The following NTRK2 variants were observed in gnomAD, a reference collection of about 807,000 sequenced individuals.
NTRK2 encodes BDNF/NT-3 growth factors receptor.
A neutral mutation model predicts 94.5 loss-of-function variants in NTRK2; 13 were observed. That is an observed-to-expected ratio of 0.14 (90% CI 0.09 to 0.22). The LOEUF is 0.22. NTRK2 is among the 10% of genes least tolerant of loss of function. The pLI is 1.00. For synonymous variants in NTRK2, 372 were observed against 407.4 expected (o/e 0.91, Z 1.05); for missense variants, 639 against 1,071.2 (o/e 0.60, Z 5.63).
intron 6 of NTRK2, among the ~76,000 whole-genome samples, chr9:84,719,049 G>A (rs2061891287): frequency 2.0e-5 from 3 of 152,082 alleles, no homozygotes; most frequent in Non-Finnish European, 4.4e-5. Context: ...CTACAGAATA[G>A]ACACGTAATT....
At chr9:84,875,144 A>G (rs2076016398) in intron 14 of NTRK2, 10 of 1,059,794 alleles carry the variant, frequency 9.4e-6, no homozygotes, top group African/African-American at 1.6e-5. Flanking sequence ...CTTGTAATAT[A>G]AAGTCTGACC....
intron 14 of NTRK2, chr9:84,873,807 A>G (rs200452633): frequency 2.5e-5 from 26 of 1,056,914 alleles, no homozygotes; most frequent in Non-Finnish European, 3.0e-5. Flanking sequence ...TCACCCAAGT[A>G]TAGTATACTT....
intron 12 of NTRK2, among the ~76,000 whole-genome samples, chr9:84,773,387 G>A (rs2066739247): frequency 6.6e-6 from 1 of 152,190 alleles, no homozygotes; most frequent in African/African-American, 2.4e-5. Flanking sequence ...ATTATGGCAT[G>A]GGAAGAACAC....
chr9:84,924,295 G>GAAAGAAAGAAAGAA lies in NTRK2; in HGVS notation c.1634-9866_1634-9865insAAGAAAGAAAGAAA, dbSNP rs1340172014. Among the ~76,000 whole-genome samples the GAAAGAAAGAAAGAA allele has an allele frequency of 2.0e-5, 3 of 147,822 alleles. No individual in the cohort carries two copies. In the South Asian group the frequency reaches 6.6e-4, roughly 32 times the overall value. ...AGAAAGAAAGAAAGAAAGAAAGAAA[G>GAAAGAAAGAAAGAA]AGGAAAAAAAGGAGGTTTATGCACA... On this transcript the variant is annotated intron_variant, in intron 14 of 18. Transcript: ENST00000277120.
rs201551860 is a variant in NTRK2, at chr9:84,702,437, C to A, written c.359+18C>A. The stretch of plus-strand genomic sequence containing the variant: ...CAGCACATGTAAGTAGAGATTGATT[C>A]TTTTGCTTCCCAGGACCCATTTTAT... On this transcript the variant is annotated intron_variant, in intron 4 of 18. Coordinates refer to ENST00000277120, the MANE Select transcript of NTRK2 (RefSeq NM_006180.6). The A allele has an allele frequency of 8.7e-6, 14 of 1,606,442 alleles. No individual in the cohort carries two copies. The highest frequency in any genetic ancestry group is 1.1e-5 in the Non-Finnish European group (13 of 1,172,946).
chr9:84,813,446 A>G, intron 12 of NTRK2: 4 of 1,064,764 alleles, frequency 3.8e-6, no homozygotes, highest in Non-Finnish European at 4.6e-6. Context: ...GTCTTAAAAC[A>G]TGATCATTGT....
rs1349303529 is a variant in NTRK2 at position 84,870,331 on chromosome 9, G to GTGTGTGTGTGTA, written c.1633+2901_1633+2902insGTGTGTGTGTAT. 9.6e-4 allele frequency among the ~76,000 whole-genome samples: 30 copies of GTGTGTGTGTGTA among 31,182 alleles called. 2 individuals carry two copies. Among genetic ancestry groups the GTGTGTGTGTGTA allele is most frequent in the African/African-American group, 2.5e-3 (28 of 11,346 alleles). The allele number at this position is 31,182 out of a possible 152,430, so 20.5% of individuals were successfully genotyped here. ...ATACATATATGTGGGGTGTGTGTGT[G>GTGTGTGTGTGTA]TATATATATATATATATATATATAT... is the stretch of plus-strand genomic sequence containing the variant. On this transcript the variant is annotated intron_variant, in intron 14 of 18. Coordinates refer to ENST00000277120, the MANE Select transcript of NTRK2 (RefSeq NM_006180.6).
intron 2 of NTRK2, among the ~76,000 whole-genome samples, chr9:84,681,513 G>A (rs1388499301): frequency 6.6e-6 from 1 of 152,170 alleles, no homozygotes; most frequent in Non-Finnish European, 1.5e-5. Context: ...CATGGGATAT[G>A]GTGAGAAAAA....
At chr9:84,687,165 T>C (rs2131487265) in intron 2 of NTRK2, among the ~76,000 whole-genome samples, 1 of 152,266 alleles carries the variant, frequency 6.6e-6, no homozygotes, top group African/African-American at 2.4e-5. Flanking sequence ...TCACCTGCCT[T>C]TGGCCTCCCA....
chr9:84,845,250 T>TATACACAC (rs374265197), intron 12 of NTRK2, among the ~76,000 whole-genome samples: 2,479 of 147,978 alleles, frequency 0.017, 69 homozygotes, highest in African/African-American at 0.058. Context: ...ATGTGGTGTA[T>TATACACAC]ACACACACAC....
At chr9:84,694,737 G>T (rs924644155) in intron 2 of NTRK2, among the ~76,000 whole-genome samples, 2 of 152,134 alleles carry the variant, frequency 1.3e-5, no homozygotes, top group Non-Finnish European at 2.9e-5. Flanking sequence ...GTGGCTGTAA[G>T]CCTGGGAATT....
intron 2 of NTRK2, among the ~76,000 whole-genome samples, chr9:84,688,330 T>C (rs1158690228): frequency 6.6e-6 from 1 of 152,232 alleles, no homozygotes; most frequent in Non-Finnish European, 1.5e-5. Context: ...TGCCTCATTG[T>C]GCTTTTGTGC....
intron 14 of NTRK2, chr9:84,876,629 T>C (rs199989397): frequency 1.8e-5 from 19 of 1,058,286 alleles, no homozygotes; most frequent in Non-Finnish European, 2.2e-5. Context: ...TCAATATCTT[T>C]ACCCACATGA....
At chr9:84,866,038 T>C (rs889652219) in intron 13 of NTRK2, among the ~76,000 whole-genome samples, 3 of 152,204 alleles carry the variant, frequency 2.0e-5, no homozygotes, top group Non-Finnish European at 4.4e-5. Flanking sequence ...GCTAGAAAAT[T>C]TGTCTTGTAC....
Position 85,023,633 on chromosome 9 carries a change from C to A in NTRK2, c.*2196C>A. ...ATACACATAATAACATAATGAAAGCCATATCTCCATGATATATATGTGCAC... is the reference window on the plus strand; with the variant it reads ...ATACACATAATAACATAATGAAAGCAATATCTCCATGATATATATGTGCAC... On this transcript the variant is annotated 3_prime_UTR_variant, in exon 19 of 19. Transcript: ENST00000277120. 4.3e-6 allele frequency: 1 copy of A among 231,496 alleles called. No homozygotes were observed. The highest frequency in any genetic ancestry group is 8.5e-6 in the Non-Finnish European group (1 of 117,098). 14.3% of individuals were successfully genotyped at this position (231,496 alleles called of 1,614,324 possible).
At chr9:84,740,124 C>G (rs2063534512) in intron 9 of NTRK2, among the ~76,000 whole-genome samples, 2 of 152,166 alleles carry the variant, frequency 1.3e-5, no homozygotes, top group South Asian at 4.1e-4. Flanking sequence ...TAGAATCTTT[C>G]CTTCAGCAGG....
intron 15 of NTRK2, among the ~76,000 whole-genome samples, chr9:84,942,518 A>G (rs1391449506): frequency 6.6e-6 from 1 of 152,186 alleles, no homozygotes; most frequent in Non-Finnish European, 1.5e-5. Context: ...CTAATAGCCT[A>G]TGGAGGTGGC....
At chr9:84,794,804 A>G (rs1398539466) in intron 12 of NTRK2, among the ~76,000 whole-genome samples, 1 of 152,152 alleles carries the variant, frequency 6.6e-6, no homozygotes, top group Non-Finnish European at 1.5e-5. Context: ...TTTTTTCTCC[A>G]TGTCTTGATC....
chr9:84,703,441 C>T (rs985207956), intron 4 of NTRK2, among the ~76,000 whole-genome samples: 2 of 152,150 alleles, frequency 1.3e-5, no homozygotes, highest in African/African-American at 4.8e-5. Flanking sequence ...ACTCCAGGGC[C>T]AACCCCTCTC....
Sources: gnomAD v4.1 joint callset for allele counts (sites outside exome capture counted in the v4.1 genomes callset) on GRCh38, gnomAD v4.1.1 for gene constraint, MANE v1.5 for transcripts, NCBI Gene and HGNC (gene_info 2026-07-23, HGNC 2026-07-21) for gene names.